Variants in CCDC3 observed in about 807,000 individuals in gnomAD.
CCDC3 encodes the protein coiled-coil domain-containing protein 3.
A neutral mutation model predicts 21.4 loss-of-function variants in CCDC3; 24 were observed. The ratio of observed to expected loss-of-function variants is 1.12; its 90% CI spans 0.81 to 1.58. CCDC3 has a LOEUF of 1.58. CCDC3 is among the 40% of genes most tolerant of loss of function. CCDC3 has a pLI of 0.00. For synonymous variants in CCDC3, 186 were observed against 166.0 expected, an observed-to-expected ratio of 1.12 and a Z score of -0.93; for missense variants, 425 against 360.9, an observed-to-expected ratio of 1.18 and a Z score of -1.44.
At chr10:13,093,115 G>A (rs1832594928) in intron 3 of CCDC3, among the ~76,000 whole-genome samples, 1 of 147,628 alleles carries the variant, frequency 6.8e-6, no homozygotes, top group Non-Finnish European at 1.5e-5. Context: ...AGCTGTATTA[G>A]TCTGTTTTCA....
At chr10:13,034,340 TG>T (rs1359894684) in intron 5 of CCDC3, among the ~76,000 whole-genome samples, 7 of 33,296 alleles carry the variant, frequency 2.1e-4, no homozygotes, top group Non-Finnish European at 2.8e-4. Flanking sequence ...CGGGGCCTGT[TG>T]GGGGGTGGGG....
chr10:13,002,503 G>C (rs1311013305), upstream of CCDC3, among the ~76,000 whole-genome samples: 1 of 151,972 alleles, frequency 6.6e-6, no homozygotes, highest in African/African-American at 2.4e-5. Flanking sequence ...GATCCTCCCA[G>C]GTCAGTCTCC....
At chr10:12,985,024 G>C (rs1178914502) in intron 2 of CCDC3, among the ~76,000 whole-genome samples, 1 of 152,140 alleles carries the variant, frequency 6.6e-6, no homozygotes, top group African/African-American at 2.4e-5. Flanking sequence ...CCACTTAATT[G>C]TACAGTTAGA....
At chr10:12,938,577 A>G (rs1412918451) in intron 2 of CCDC3, among the ~76,000 whole-genome samples, 3 of 152,216 alleles carry the variant, frequency 2.0e-5, no homozygotes, top group African/African-American at 4.8e-5. Context: ...AAGTTACTCA[A>G]TCATTCCATG....
At chr10:12,911,668 T>A (rs1443164714) in intron 2 of CCDC3, among the ~76,000 whole-genome samples, 2 of 152,216 alleles carry the variant, frequency 1.3e-5, no homozygotes, top group East Asian at 3.8e-4. Flanking sequence ...TTTTTTGTAG[T>A]GAGAACACTT....
In CCDC3 at chr10:13,031,239, G is replaced by A. The variant is rs56944852; in HGVS notation, c.-2+18435C>T. ...TGGAAACTGAACAACCTGCTCCTGA[G>A]TGACTACTGGGTAAATAACGAAATG... On this transcript the variant is annotated intron_variant, in intron 5 of 6. Coordinates refer to the CCDC3 transcript ENST00000378839. 8.1e-4 allele frequency among the ~76,000 whole-genome samples: 123 copies of A among 152,220 alleles called. No individual in the cohort carries two copies. In the East Asian group the frequency reaches 9.1e-3, roughly 11 times the overall value.
chr10:13,015,012 A>G (rs1836035637), intron 5 of CCDC3, among the ~76,000 whole-genome samples: 1 of 152,122 alleles, frequency 6.6e-6, no homozygotes, highest in South Asian at 2.1e-4. Flanking sequence ...ATTGTAGCAC[A>G]TTCATATATT....
chr10:13,035,869 G>GA (rs1356931846), intron 5 of CCDC3, among the ~76,000 whole-genome samples: 2 of 152,204 alleles, frequency 1.3e-5, no homozygotes, highest in Non-Finnish European at 2.9e-5. Context: ...TGCCCGGCCA[G>GA]GCATGGTGGC....
chr10:12,982,260 T>G (rs926554727), intron 2 of CCDC3, among the ~76,000 whole-genome samples: 1 of 151,202 alleles, frequency 6.6e-6, no homozygotes, highest in African/African-American at 2.4e-5. Context: ...AGACACATAC[T>G]GCATGATTCC....
chr10:12,942,378 GC>G (rs1834846001), intron 2 of CCDC3, among the ~76,000 whole-genome samples: 1 of 152,152 alleles, frequency 6.6e-6, no homozygotes, highest in Non-Finnish European at 1.5e-5. Context: ...AAAGTCGTCG[GC>G]AAAGTTTCCC....
chr10:12,926,561 A>G (rs1834543568), intron 2 of CCDC3, among the ~76,000 whole-genome samples: 1 of 152,206 alleles, frequency 6.6e-6, no homozygotes, highest in African/African-American at 2.4e-5. Flanking sequence ...TTGGGCAGGA[A>G]AAAAGGTCAA....
At chr10:13,014,809 G>A (rs1836031261) in intron 5 of CCDC3, among the ~76,000 whole-genome samples, 1 of 152,030 alleles carries the variant, frequency 6.6e-6, no homozygotes, top group South Asian at 2.1e-4. Flanking sequence ...TTTGAAAGAG[G>A]ATTGGCATAA....
At chr10:13,016,679 G>A (rs889336279) in intron 5 of CCDC3, among the ~76,000 whole-genome samples, 6 of 151,984 alleles carry the variant, frequency 3.9e-5, no homozygotes, top group African/African-American at 9.7e-5. Flanking sequence ...CCCTGCCTGT[G>A]GTCCCCTGGC....
At chr10:13,080,089 G>A (rs376986013) in intron 3 of CCDC3, among the ~76,000 whole-genome samples, 6 of 152,330 alleles carry the variant, frequency 3.9e-5, no homozygotes, top group African/African-American at 1.4e-4. Context: ...CCTGGCATCT[G>A]CCGAGCCTCT....
chr10:12,969,736 AT>A (rs1291440848), intron 2 of CCDC3, among the ~76,000 whole-genome samples: 6 of 149,556 alleles, frequency 4.0e-5, no homozygotes, highest in African/African-American at 1.5e-4. Flanking sequence ...TAATATTCTA[AT>A]ATTTTTAAAA....
intron 5 of CCDC3, among the ~76,000 whole-genome samples, chr10:13,041,063 G>A (rs1836447990): frequency 6.6e-6 from 1 of 152,060 alleles, no homozygotes; most frequent in Non-Finnish European, 1.5e-5. Flanking sequence ...CAAACACTGA[G>A]TAATTATTTT....
At chr10:12,980,176 CCCCAAGT>C (rs1564307069) in intron 2 of CCDC3, among the ~76,000 whole-genome samples, 1 of 152,156 alleles carries the variant, frequency 6.6e-6, no homozygotes, top group African/African-American at 2.4e-5. Flanking sequence ...ATCTCTGGGG[CCCCAAGT>C]CCCTGGAAAC....
At chr10:12,954,677 C>T (rs534011411) in intron 2 of CCDC3, among the ~76,000 whole-genome samples, 13 of 152,276 alleles carry the variant, frequency 8.5e-5, no homozygotes, top group Non-Finnish European at 1.2e-4. Context: ...TTCATTCCCA[C>T]GGAGATGGCA....
At chr10:13,058,347 T>C in intron 4 of CCDC3, 10 of 1,182,754 alleles carry the variant, frequency 8.5e-6, no homozygotes, top group Non-Finnish European at 1.2e-5. Context: ...CCAAACCTAC[T>C]GAGAATCCTG....
Sources: allele counts gnomAD v4.1 joint callset (sites outside exome capture counted in the v4.1 genomes callset), GRCh38; gene constraint gnomAD v4.1.1; transcripts MANE v1.5; gene names NCBI Gene and HGNC (gene_info 2026-07-23, HGNC 2026-07-21).